The following LCLAT1 variants were observed in gnomAD, a reference collection of about 807,000 sequenced individuals.
The protein encoded by LCLAT1 is lysocardiolipin acyltransferase 1, also known as 1-AGP acyltransferase 8.
Under a neutral mutation model 30.7 loss-of-function variants are expected in LCLAT1, and 11 were observed. That is an observed-to-expected ratio of 0.36 (90% confidence interval 0.23 to 0.59). LCLAT1 has a LOEUF of 0.59. LCLAT1 is among the 20% of genes least tolerant of loss of function. The probability of loss-of-function intolerance (pLI) is 0.77; values close to 1 mark genes in which losing one functional copy is unlikely to be tolerated. For missense variants in LCLAT1, 402 were observed against 458.6 expected, an observed-to-expected ratio of 0.88 and a Z score of 1.13; for synonymous variants, 155 against 151.3, an observed-to-expected ratio of 1.02 and a Z score of -0.18.
chr2:30,488,108 A>G (rs1167848254), intron 1 of LCLAT1, among the ~76,000 whole-genome samples: 2 of 152,232 alleles, frequency 1.3e-5, no homozygotes, highest in African/African-American at 4.8e-5. Flanking sequence ...TTCAGCATCA[A>G]CCCAGGGAAA....
At position 30,641,616 on chromosome 2, in the gene LCLAT1, T is replaced by G. The variant is rs1377674268; in HGVS notation, c.*997T>G. The G allele has an allele frequency of 6.6e-6, 1 of 152,268 alleles. No individual in the cohort carries two copies. Among genetic ancestry groups the G allele is most frequent in the Non-Finnish European group, 1.5e-5 (1 of 68,048 alleles). The allele number at this position is 152,268 out of a possible 1,614,324, so 9.4% of individuals were successfully genotyped here. ...CAGACAGGGCAGTAATGGTTTATCC[T>G]AAATTACTCAACCCCTTGTAGCCTT... On this transcript the variant is annotated 3_prime_UTR_variant, in exon 6 of 6. Coordinates refer to ENST00000379509, the MANE Select transcript of LCLAT1 (RefSeq NM_001002257.3).
intron 5 of LCLAT1, among the ~76,000 whole-genome samples, chr2:30,581,631 A>G (rs538145481): frequency 2.2e-4 from 33 of 152,340 alleles, no homozygotes; most frequent in African/African-American, 7.5e-4. Flanking sequence ...CCTGGAGCAC[A>G]TAATGTTGAG....
intron 1 of LCLAT1, among the ~76,000 whole-genome samples, chr2:30,488,684 G>C (rs1233055487): frequency 6.6e-6 from 1 of 152,114 alleles, no homozygotes; most frequent in African/African-American, 2.4e-5. Context: ...TACCACCTAG[G>C]CTGCATTGAT....
At chr2:30,509,937 G>C (rs1684857831) in intron 1 of LCLAT1, among the ~76,000 whole-genome samples, 1 of 152,162 alleles carries the variant, frequency 6.6e-6, no homozygotes, top group Admixed American at 6.5e-5. Flanking sequence ...AGGGAGAGCA[G>C]GAATTTTATT....
intron 3 of LCLAT1, among the ~76,000 whole-genome samples, chr2:30,557,471 A>G (rs1664980293): frequency 1.3e-5 from 2 of 151,872 alleles, no homozygotes; most frequent in South Asian, 2.1e-4. Context: ...CTGGAGTGCA[A>G]TGGCACAATC....
chr2:30,509,476 G>A (rs1684835701), intron 1 of LCLAT1, among the ~76,000 whole-genome samples: 1 of 152,136 alleles, frequency 6.6e-6, no homozygotes, highest in Non-Finnish European at 1.5e-5. Flanking sequence ...AACATGAATG[G>A]GGTGTTGAAT....
chr2:30,521,464 G>A (rs1329628872), intron 1 of LCLAT1, among the ~76,000 whole-genome samples: 1 of 125,626 alleles, frequency 8.0e-6, no homozygotes, highest in African/African-American at 3.0e-5. Context: ...AAATAGAACA[G>A]TTTCCTCAAC....
At chr2:30,468,102 G>T (rs1033309396) in intron 1 of LCLAT1, among the ~76,000 whole-genome samples, 1 of 152,180 alleles carries the variant, frequency 6.6e-6, no homozygotes, top group African/African-American at 2.4e-5. Flanking sequence ...AATCCGTCTT[G>T]AATTAATTTT....
chr2:30,569,414 A>G (rs1246140801), intron 5 of LCLAT1, among the ~76,000 whole-genome samples: 4 of 152,258 alleles, frequency 2.6e-5, no homozygotes, highest in African/African-American at 4.8e-5. Flanking sequence ...TTAATTTTAT[A>G]ACAGTTCAAA....
At chr2:30,569,222 A>G (rs1006281253) in intron 5 of LCLAT1, among the ~76,000 whole-genome samples, 1 of 152,220 alleles carries the variant, frequency 6.6e-6, no homozygotes, top group African/African-American at 2.4e-5. Context: ...ATATGAGCAG[A>G]AAGTGATTCC....
At chr2:30,572,549 C>CAA (rs1264883214) in intron 5 of LCLAT1, among the ~76,000 whole-genome samples, 4 of 152,204 alleles carry the variant, frequency 2.6e-5, no homozygotes, top group Admixed American at 1.3e-4. Context: ...CTTTGTGCTG[C>CAA]ACCTGTGGAG....
At chr2:30,537,564 G>A (rs1009769826) in intron 3 of LCLAT1, among the ~76,000 whole-genome samples, 14 of 147,644 alleles carry the variant, frequency 9.5e-5, no homozygotes, top group South Asian at 2.2e-4. Context: ...ACCAAACACC[G>A]GAGCACCCAG....
At chr2:30,458,058 AG>A (rs1403481091) in intron 1 of LCLAT1, among the ~76,000 whole-genome samples, 2 of 151,242 alleles carry the variant, frequency 1.3e-5, no homozygotes, top group African/African-American at 4.9e-5. Context: ...AAAAAAAAAG[AG>A]GCAACTTTTC....
intron 1 of LCLAT1, among the ~76,000 whole-genome samples, chr2:30,477,345 G>T (rs1683097913): frequency 6.6e-6 from 1 of 152,184 alleles, no homozygotes; most frequent in African/African-American, 2.4e-5. Flanking sequence ...ATTCAGGTTA[G>T]TGCTTGTTGT....
intron 3 of LCLAT1, among the ~76,000 whole-genome samples, chr2:30,534,271 G>GTGTT: frequency 1.6e-5 from 2 of 124,798 alleles, no homozygotes; most frequent in Non-Finnish European, 1.7e-5. Flanking sequence ...GTGTGTGTGT[G>GTGTT]TGTTTGGGAG....
At chr2:30,559,856 GA>G (rs1210184261) in intron 3 of LCLAT1, among the ~76,000 whole-genome samples, 12 of 152,158 alleles carry the variant, frequency 7.9e-5, no homozygotes, top group African/African-American at 2.9e-4. Flanking sequence ...TACAATCCTT[GA>G]TGTAATATTC....
chr2:30,607,446 G>C (rs538196576), intron 5 of LCLAT1: 2 of 152,214 alleles, frequency 1.3e-5, no homozygotes, highest in African/African-American at 4.8e-5. Context: ...CCACATATAT[G>C]ATGGCAGTCT....
At chr2:30,501,889 A>G (rs1246473483) in intron 1 of LCLAT1, among the ~76,000 whole-genome samples, 1 of 152,248 alleles carries the variant, frequency 6.6e-6, no homozygotes, top group East Asian at 1.9e-4. Flanking sequence ...ACATTGTATA[A>G]TTCAAATTTT....
chr2:30,516,374 C>T (rs1203614681), intron 1 of LCLAT1, among the ~76,000 whole-genome samples: 2 of 152,192 alleles, frequency 1.3e-5, no homozygotes, highest in East Asian at 1.9e-4. Flanking sequence ...TGACTTTCAC[C>T]GCTCTGGATC....
Sources: allele counts gnomAD v4.1 joint callset (sites outside exome capture counted in the v4.1 genomes callset), GRCh38; gene constraint gnomAD v4.1.1; transcripts MANE v1.5; gene names NCBI Gene and HGNC (gene_info 2026-07-23, HGNC 2026-07-21).